Variants in EDNRA observed in about 807,000 individuals in gnomAD.
EDNRA encodes the protein endothelin-1 receptor.
A neutral mutation model predicts 41.4 loss-of-function variants in EDNRA; 11 were observed. That is an observed-to-expected ratio of 0.27 (90% CI 0.17 to 0.44). EDNRA has a LOEUF of 0.44. EDNRA is among the 20% of genes least tolerant of loss of function. The pLI, the probability that EDNRA is intolerant of heterozygous loss-of-function variation, is 1.00. For missense variants in EDNRA, 294 were observed against 531.0 expected, an observed-to-expected ratio of 0.55 and a Z score of 4.39; for synonymous variants, 172 against 183.0, an observed-to-expected ratio of 0.94 and a Z score of 0.49.
At chr4:147,488,991 C>T (rs535802141) in intron 2 of EDNRA, 5 of 152,234 alleles carry the variant, frequency 3.3e-5, no homozygotes, top group African/African-American at 1.2e-4. Context: ...ATAATGCATA[C>T]AATTGGAGAA....
chr4:147,482,128 G>A (rs1023888449), intron 1 of EDNRA, among the ~76,000 whole-genome samples: 4 of 152,188 alleles, frequency 2.6e-5, no homozygotes, highest in Non-Finnish European at 5.9e-5. Flanking sequence ...CAGAAAACTT[G>A]TAAAAAGTTC....
chr4:147,529,287 C>T (rs984339032), intron 3 of EDNRA, among the ~76,000 whole-genome samples: 23 of 151,950 alleles, frequency 1.5e-4, no homozygotes, highest in South Asian at 1.0e-3. Context: ...TAGTGGAGCT[C>T]GCAAGTAGGC....
At chr4:147,536,565 A>G (rs1730928345) in intron 5 of EDNRA, among the ~76,000 whole-genome samples, 1 of 152,170 alleles carries the variant, frequency 6.6e-6, no homozygotes, top group Admixed American at 6.5e-5. Context: ...GAAGAAGTTG[A>G]CAGAGAGCAT....
In EDNRA at chr4:147,537,077, A is replaced by G. The variant is rs190113341; in HGVS notation, c.900+1048A>G. Among the ~76,000 whole-genome samples, 267 of 152,296 alleles carry G rather than the reference A, an allele frequency of 1.8e-3. 2 individuals carry two copies. Among genetic ancestry groups the G allele is most frequent in the African/African-American group, 6.0e-3 (251 of 41,566 alleles). ...ACAGAAAAGTATATAATGGTGGCCA[A>G]CTACACCAAAAGTTAATGTGAGTTG... On this transcript the variant is annotated intron_variant, in intron 5 of 7. Coordinates refer to ENST00000651419, the MANE Select transcript of EDNRA (RefSeq NM_001957.4).
chr4:147,508,623 C>T (rs7666105), intron 2 of EDNRA, among the ~76,000 whole-genome samples: 32,779 of 152,038 alleles, frequency 0.22, 6,160 homozygotes, highest in African/African-American at 0.52. Context: ...TCTTTTCTGG[C>T]TAAATTTTTG....
intron 2 of EDNRA, among the ~76,000 whole-genome samples, chr4:147,500,102 G>A (rs1478257841): frequency 6.6e-6 from 1 of 152,072 alleles, no homozygotes; most frequent in Non-Finnish European, 1.5e-5. Context: ...ACCACACCTA[G>A]CCTCTAAAAG....
chr4:147,522,717 TA>T (rs1730367477), intron 3 of EDNRA, among the ~76,000 whole-genome samples: 1 of 152,158 alleles, frequency 6.6e-6, no homozygotes, highest in Non-Finnish European at 1.5e-5. Flanking sequence ...CTCAAGCATG[TA>T]AAAACTCAAA....
At chr4:147,541,067 CAAAAAAAAAAA>C (rs10551607) in intron 7 of EDNRA, among the ~76,000 whole-genome samples, 8 of 46,166 alleles carry the variant, frequency 1.7e-4, no homozygotes, top group Non-Finnish European at 9.0e-5. Context: ...GACTCAGTCT[CAAAAAAAAAAA>C]AAAAAAAAAA....
chr4:147,536,167 G>A lies in EDNRA; in HGVS notation c.900+138G>A. The A allele has an allele frequency of 5.5e-6, 6 of 1,089,374 alleles. No homozygotes were observed. The Middle Eastern group carries it at 1.2e-3, about 211-fold the overall frequency. 67.5% of individuals were successfully genotyped at this position (1,089,374 alleles called of 1,614,324 possible). On this transcript the variant is annotated intron_variant, in intron 5 of 7. Coordinates refer to ENST00000651419, the MANE Select transcript of EDNRA (RefSeq NM_001957.4). ...CTATCCTGTAACTGTTTTCTTTATA[G>A]TAATAGTGTTAGAAATTTCTTTTGT... is the stretch of plus-strand genomic sequence containing the variant.
chr4:147,520,023 G>A (rs201914264), intron 3 of EDNRA, 45 bp downstream of exon 3: 3 of 1,563,058 alleles, frequency 1.9e-6, no homozygotes, highest in South Asian at 1.2e-5. Context: ...GCTTAGAAAA[G>A]CATTTTTCTC....
chr4:147,481,668 A>G (rs1728763192), intron 1 of EDNRA, among the ~76,000 whole-genome samples: 1 of 152,230 alleles, frequency 6.6e-6, no homozygotes. Flanking sequence ...GAGGAAGCCC[A>G]ATAGTTTTCC....
chr4:147,527,770 G>T (rs1330710904), intron 3 of EDNRA, among the ~76,000 whole-genome samples: 1 of 151,892 alleles, frequency 6.6e-6, no homozygotes, highest in Non-Finnish European at 1.5e-5. Context: ...TTTTATTTTG[G>T]CCTATCACAT....
chr4:147,505,215 A>AGAG (rs1046606347), intron 2 of EDNRA, among the ~76,000 whole-genome samples: 5 of 134,588 alleles, frequency 3.7e-5, no homozygotes, highest in African/African-American at 1.5e-4. Flanking sequence ...AAAAAAAAAA[A>AGAG]AGAGAGAGAG....
intron 2 of EDNRA, among the ~76,000 whole-genome samples, chr4:147,509,193 A>G (rs1229324205): frequency 6.6e-6 from 1 of 152,140 alleles, no homozygotes; most frequent in Non-Finnish European, 1.5e-5. Context: ...CTTGGATCCT[A>G]TGACTTTGTT....
chr4:147,532,824 C>T, intron 4 of EDNRA, 120 bp downstream of exon 4: 1 of 1,002,548 alleles, frequency 1.0e-6, no homozygotes, highest in East Asian at 2.5e-5. Flanking sequence ...GTCAAATATT[C>T]CTCAGTTGCA....
intron 2 of EDNRA, among the ~76,000 whole-genome samples, chr4:147,498,636 T>C (rs112929542): frequency 6.6e-6 from 1 of 152,164 alleles, no homozygotes; most frequent in Non-Finnish European, 1.5e-5. Context: ...ATGGAAAAAG[T>C]TTGTCAAGCC....
At chr4:147,506,249 C>A in intron 2 of EDNRA, 3 of 505,096 alleles carry the variant, frequency 5.9e-6, no homozygotes, top group South Asian at 2.9e-5. Context: ...CAGCTTCAGT[C>A]AGTGCTCATA....
chr4:147,535,195 G>T (rs924148365), intron 4 of EDNRA, among the ~76,000 whole-genome samples: 1 of 152,106 alleles, frequency 6.6e-6, no homozygotes, highest in African/African-American at 2.4e-5. Context: ...AAGTAAAACC[G>T]AATAATCTCG....
chr4:147,512,708 G>A (rs1009396766), intron 2 of EDNRA, among the ~76,000 whole-genome samples: 1 of 152,168 alleles, frequency 6.6e-6, no homozygotes. Context: ...CACGCCAGGG[G>A]ACAAAGTCAC....
Sources: allele counts gnomAD v4.1 joint callset (sites outside exome capture counted in the v4.1 genomes callset), GRCh38; gene constraint gnomAD v4.1.1; transcripts MANE v1.5; gene names NCBI Gene and HGNC (gene_info 2026-07-23, HGNC 2026-07-21).